Variants in C6orf163 observed in about 807,000 individuals in gnomAD.
The protein encoded by C6orf163 is chromosome 6 open reading frame 163, also known as uncharacterized protein C6orf163.
Under a neutral mutation model 28.4 loss-of-function variants are expected in C6orf163, and 22 were observed. The observed-to-expected ratio is 0.78, with a 90% CI of 0.55 to 1.11. C6orf163 has a LOEUF of 1.11. Among genes scored for constraint, C6orf163 ranks in the 50% least tolerant of loss-of-function variants. C6orf163 has a pLI of 0.00. For missense variants in C6orf163, 342 were observed against 389.1 expected, an observed-to-expected ratio of 0.88 and a Z score of 1.02; for synonymous variants, 110 against 123.6, an observed-to-expected ratio of 0.89 and a Z score of 0.73.
rs563686721 is a variant in C6orf163 at position 87,345,263 on chromosome 6, G to A, written c.148+16G>A. On this transcript the variant is annotated intron_variant, in intron 1 of 4. Transcript: ENST00000388923. ...GACATACTAGGTAAGTGACTTTATC[G>A]TTTTCCTTTGTTCTAATGCTTCATA... 1.0e-4 allele frequency: 152 copies of A among 1,507,370 alleles called. 1 individual carries two copies. The highest frequency in any genetic ancestry group is 4.3e-4 in the South Asian group (34 of 78,324). The allele number at this position is 1,507,370 out of a possible 1,614,324, so 93.4% of individuals were successfully genotyped here.
chr6:87,364,928 A>T, intron 4 of C6orf163, 33 bp from the exon 5 acceptor site: 1 of 1,467,494 alleles, frequency 6.8e-7, no homozygotes, highest in South Asian at 1.3e-5. Context: ...TGGCCAATCC[A>T]TCTAAATTAT....
intron 1 of C6orf163, chr6:87,348,161 AAAG>A (rs1777356503): frequency 1.0e-6 from 1 of 980,284 alleles, no homozygotes. Context: ...TCTCAAAAAA[AAAG>A]AGAAATCCCA....
At chr6:87,357,756 C>T (rs555156860) in intron 4 of C6orf163, 1 of 140,976 alleles carries the variant, frequency 7.1e-6, no homozygotes, top group East Asian at 1.9e-4. Flanking sequence ...GTCCCCTCCT[C>T]ACACACACTT....
At chr6:87,346,865 T>C (rs1245987651) in intron 1 of C6orf163, among the ~76,000 whole-genome samples, 2 of 152,192 alleles carry the variant, frequency 1.3e-5, no homozygotes, top group African/African-American at 2.4e-5. Context: ...AGTTGCAAAA[T>C]AGATCAGAGT....
At chr6:87,359,362 G>A (rs1455815173) in intron 4 of C6orf163, among the ~76,000 whole-genome samples, 1 of 152,196 alleles carries the variant, frequency 6.6e-6, no homozygotes, top group Non-Finnish European at 1.5e-5. Flanking sequence ...GTTCAAGAGT[G>A]TTAACAACCC....
chr6:87,362,454 A>G (rs907725798), intron 4 of C6orf163, among the ~76,000 whole-genome samples: 3 of 152,152 alleles, frequency 2.0e-5, no homozygotes, highest in African/African-American at 7.2e-5. Context: ...TCCAGCCTGG[A>G]CAACAGAGCA....
chr6:87,364,085 A>T (rs1777614204), intron 4 of C6orf163, among the ~76,000 whole-genome samples: 2 of 152,112 alleles, frequency 1.3e-5, no homozygotes, highest in Non-Finnish European at 2.9e-5. Flanking sequence ...GGAGTTTGAG[A>T]TCAGCTTGGC....
intron 1 of C6orf163, chr6:87,347,264 T>G (rs190216449): frequency 1.1e-4 from 37 of 335,656 alleles, no homozygotes; most frequent in Non-Finnish European, 1.5e-4. Context: ...CACAATGCCC[T>G]TGAGATTCAT....
At chr6:87,360,398 A>ATTTTT (rs10625675) in intron 4 of C6orf163, among the ~76,000 whole-genome samples, 1 of 138,116 alleles carries the variant, frequency 7.2e-6, no homozygotes, top group African/African-American at 2.7e-5. Context: ...TTAAGCATGA[A>ATTTTT]TTTTTTTTTT....
At chr6:87,364,782 C>T (rs532645133) in intron 4 of C6orf163, among the ~76,000 whole-genome samples, 179 bp from the exon 5 acceptor site, 4 of 152,178 alleles carry the variant, frequency 2.6e-5, no homozygotes, top group Non-Finnish European at 5.9e-5. Flanking sequence ...AGCCTCCCTG[C>T]TCTGAAAATG....
Position 87,359,422 on chromosome 6 carries a change from C to T in C6orf163, c.554+2919C>T, listed in dbSNP as rs1777550787. On this transcript the variant is annotated intron_variant, in intron 4 of 4. Transcript: ENST00000388923. ...GCTGGCATCTGGAGATGTCCCTCACCTGCGTAACTTCTGAAATGCCTGCAG... is the reference window on the plus strand; with the variant it reads ...GCTGGCATCTGGAGATGTCCCTCACTTGCGTAACTTCTGAAATGCCTGCAG... 1.3e-5 allele frequency among the ~76,000 whole-genome samples: 2 copies of T among 152,182 alleles called. 1 individual carries two copies. Among genetic ancestry groups the T allele is most frequent in the South Asian group, 4.1e-4 (2 of 4,830 alleles).
intron 1 of C6orf163, chr6:87,347,610 G>T (rs949720494): frequency 5.7e-5 from 56 of 985,214 alleles, no homozygotes; most frequent in Non-Finnish European, 6.6e-5. Context: ...ACTCTGTGCC[G>T]CCAAACATAT....
At chr6:87,358,765 C>A (rs1159329959) in intron 4 of C6orf163, among the ~76,000 whole-genome samples, 1 of 152,152 alleles carries the variant, frequency 6.6e-6, no homozygotes, top group African/African-American at 2.4e-5. Flanking sequence ...CTTTTGTATA[C>A]TCCCTGCATC....
At chr6:87,345,336 T>A in intron 1 of C6orf163, 89 bp downstream of exon 1, 1 of 1,315,196 alleles carries the variant, frequency 7.6e-7, no homozygotes, top group Non-Finnish European at 1.0e-6. Context: ...TCAGCTTTTT[T>A]CTCTTCAGAG....
chr6:87,347,857 T>C (rs1409594458), intron 1 of C6orf163: 3 of 985,330 alleles, frequency 3.0e-6, no homozygotes, highest in Non-Finnish European at 3.6e-6. Context: ...ACCTTCAGCT[T>C]AGAAATCCCA....
chr6:87,351,949 G>A (rs1777419137), intron 3 of C6orf163, among the ~76,000 whole-genome samples: 1 of 152,178 alleles, frequency 6.6e-6, no homozygotes, highest in Non-Finnish European at 1.5e-5. Flanking sequence ...AAAGACATAA[G>A]GAAGATGTGA....
intron 3 of C6orf163, among the ~76,000 whole-genome samples, chr6:87,353,303 T>C (rs540292045): frequency 2.0e-5 from 3 of 152,286 alleles, no homozygotes; most frequent in Non-Finnish European, 2.9e-5. Context: ...TAAAAATGAC[T>C]GAAAGAGTGT....
At chr6:87,347,829 T>G in intron 1 of C6orf163, 2 of 985,494 alleles carry the variant, frequency 2.0e-6, no homozygotes, top group Non-Finnish European at 2.4e-6. Context: ...TGGATCCAGA[T>G]AGCTCTAAGA....
intron 4 of C6orf163, among the ~76,000 whole-genome samples, chr6:87,363,622 T>C (rs140856795): frequency 3.9e-5 from 6 of 152,134 alleles, no homozygotes; most frequent in African/African-American, 1.4e-4. Flanking sequence ...TTGCAATAGT[T>C]TACTGAGAAT....
Sources: allele counts gnomAD v4.1 joint callset (sites outside exome capture counted in the v4.1 genomes callset), GRCh38; gene constraint gnomAD v4.1.1; transcripts MANE v1.5; gene names NCBI Gene and HGNC (gene_info 2026-07-23, HGNC 2026-07-21).